CHRDL1: variants seen among roughly 807,000 people sequenced by gnomAD.
The protein encoded by CHRDL1 is chordin-like protein 1.
Under a neutral mutation model 40.9 loss-of-function variants are expected in CHRDL1, and 19 were observed. The ratio of observed to expected loss-of-function variants is 0.46; its 90% CI spans 0.32 to 0.68. The LOEUF (loss-of-function observed/expected upper bound fraction) is 0.68. Ranked by LOEUF, CHRDL1 falls within the 30% of genes least tolerant of loss-of-function variation. The pLI is 0.03. For synonymous variants in CHRDL1, 136 were observed against 123.4 expected, an observed-to-expected ratio of 1.10 and a Z score of -0.68; for missense variants, 329 against 352.1, an observed-to-expected ratio of 0.93 and a Z score of 0.53.
At chrX:110,679,547 G>T in intron 10 of CHRDL1, 122 bp from the exon 11 acceptor site, 1 of 499,722 alleles carries the variant, frequency 2.0e-6, no homozygotes, top group Non-Finnish European at 3.5e-6. Context: ...ATCGAGTTGG[G>T]CTGTGTAATG....
intron 6 of CHRDL1, among the ~76,000 whole-genome samples, chrX:110,710,468 G>C (rs182515581): frequency 1.5e-3 from 173 of 112,157 alleles, no homozygotes; most frequent in African/African-American, 5.1e-3. Context: ...AAACAGAATG[G>C]GGTATTACTG....
intron 9 of CHRDL1, among the ~76,000 whole-genome samples, chrX:110,686,909 AT>A (rs200188175): frequency 9.3e-6 from 1 of 107,182 alleles, no homozygotes; most frequent in Admixed American, 9.9e-5. Flanking sequence ...AAAAAAAAAA[AT>A]AAAAAGAATG....
intron 2 of CHRDL1, among the ~76,000 whole-genome samples, chrX:110,774,400 C>T (rs2089812684): frequency 9.0e-6 from 1 of 111,042 alleles, no homozygotes; most frequent in Admixed American, 9.6e-5. Flanking sequence ...ATAAGCCACA[C>T]ACACAAAGAA....
intron 2 of CHRDL1, among the ~76,000 whole-genome samples, chrX:110,779,388 T>C (rs1446942744): frequency 8.9e-6 from 1 of 111,740 alleles, no homozygotes; most frequent in African/African-American, 3.2e-5. Flanking sequence ...GTGAAGGGTG[T>C]GAAATCTATG....
At chrX:110,754,952 T>C (rs978807449) in intron 4 of CHRDL1, among the ~76,000 whole-genome samples, 47 of 109,750 alleles carry the variant, frequency 4.3e-4, no homozygotes, top group African/African-American at 1.5e-3. Flanking sequence ...TCTGTGCATA[T>C]ATATAAAATA....
At chrX:110,721,797 T>C (rs1036814476) in intron 4 of CHRDL1, among the ~76,000 whole-genome samples, 1 of 112,308 alleles carries the variant, frequency 8.9e-6, no homozygotes, top group African/African-American at 3.2e-5. Flanking sequence ...GCACCTACTA[T>C]GTGCCAGGAA....
At chrX:110,791,383 G>A (rs373757463) in intron 2 of CHRDL1, among the ~76,000 whole-genome samples, 3 of 111,764 alleles carry the variant, frequency 2.7e-5, no homozygotes, top group African/African-American at 6.5e-5. Context: ...TATGTCGACC[G>A]TTACTCATAA....
At chrX:110,696,766 T>C (rs953626197) in intron 7 of CHRDL1, among the ~76,000 whole-genome samples, 7 of 110,842 alleles carry the variant, frequency 6.3e-5, no homozygotes, top group African/African-American at 2.0e-4. Flanking sequence ...CTTATGTAAG[T>C]GGTTTGGGGG....
At chrX:110,759,165 T>C (rs2089513353) in intron 4 of CHRDL1, among the ~76,000 whole-genome samples, 1 of 112,516 alleles carries the variant, frequency 8.9e-6, no homozygotes, top group Non-Finnish European at 1.9e-5. Flanking sequence ...ACATAATAAC[T>C]GCAGTCTGGA....
chrX:110,761,176 A>G (rs1233603203), intron 3 of CHRDL1, among the ~76,000 whole-genome samples: 1 of 112,029 alleles, frequency 8.9e-6, no homozygotes, highest in Non-Finnish European at 1.9e-5. Context: ...CCATTTATAA[A>G]AAGAGGAAGA....
At chrX:110,752,231 C>A (rs1299293995) in intron 4 of CHRDL1, among the ~76,000 whole-genome samples, 1 of 111,940 alleles carries the variant, frequency 8.9e-6, no homozygotes, top group African/African-American at 3.2e-5. Flanking sequence ...CCACACCCAG[C>A]TAATTTTTTT....
At chrX:110,775,055 A>G (rs1268743516) in intron 2 of CHRDL1, among the ~76,000 whole-genome samples, 1 of 112,003 alleles carries the variant, frequency 8.9e-6, no homozygotes, top group Non-Finnish European at 1.9e-5. Context: ...TTTCAGGGAA[A>G]TGTTGACTTT....
At chrX:110,721,278 T>C in intron 5 of CHRDL1, 107 bp downstream of exon 5, 1 of 777,087 alleles carries the variant, frequency 1.3e-6, no homozygotes, top group Non-Finnish European at 1.9e-6. Context: ...GCAAGTCATG[T>C]TTTATTCAAA....
intron 2 of CHRDL1, among the ~76,000 whole-genome samples, chrX:110,763,960 G>C (rs972168401): frequency 5.4e-5 from 6 of 111,834 alleles, no homozygotes; most frequent in Non-Finnish European, 9.4e-5. Context: ...GAGTAAGGTG[G>C]TATTGCATTC....
chrX:110,727,619 C>A (rs1432211180), intron 4 of CHRDL1, among the ~76,000 whole-genome samples: 1 of 111,831 alleles, frequency 8.9e-6, no homozygotes, highest in Non-Finnish European at 1.9e-5. Context: ...GGCCCTTAGA[C>A]ATGAAAAAAT....
chrX:110,754,568 T>C (rs2089418303), intron 4 of CHRDL1, among the ~76,000 whole-genome samples: 1 of 112,233 alleles, frequency 8.9e-6, no homozygotes, highest in African/African-American at 3.2e-5. Flanking sequence ...GAACACATAC[T>C]ATAGTGCAAC....
chrX:110,694,597 C>A (rs2070347985), intron 7 of CHRDL1, among the ~76,000 whole-genome samples: 2 of 111,921 alleles, frequency 1.8e-5, no homozygotes, highest in African/African-American at 6.5e-5. Context: ...AGGCAAACTT[C>A]TCAGGGAGAA....
intron 4 of CHRDL1, among the ~76,000 whole-genome samples, chrX:110,735,342 T>G (rs1359006217): frequency 2.7e-5 from 3 of 112,263 alleles, no homozygotes; most frequent in African/African-American, 3.2e-5. Flanking sequence ...TAATGATAAC[T>G]CAGCATTTTC....
At chrX:110,742,614 G>T (rs73260109) in intron 4 of CHRDL1, among the ~76,000 whole-genome samples, 2,981 of 111,890 alleles carry the variant, frequency 0.027, 43 homozygotes, top group Middle Eastern at 0.047. Flanking sequence ...ATCAGGGGCT[G>T]AATCTCAGAT....
Sources: allele counts gnomAD v4.1 joint callset (sites outside exome capture counted in the v4.1 genomes callset), GRCh38; gene constraint gnomAD v4.1.1; transcripts MANE v1.5; gene names NCBI Gene and HGNC (gene_info 2026-07-23, HGNC 2026-07-21).